The following UFL1 variants were observed in gnomAD, a reference collection of about 807,000 sequenced individuals.
The protein encoded by UFL1 is E3 UFM1-protein ligase 1.
Under a neutral mutation model 99.3 loss-of-function variants are expected in UFL1, and 78 were observed. The ratio of observed to expected loss-of-function variants is 0.79; its 90% CI spans 0.65 to 0.95. The LOEUF is 0.95. UFL1 is among the 40% of genes least tolerant of loss of function. The pLI is 0.00. For synonymous variants in UFL1, 335 were observed against 322.2 expected (o/e 1.04, Z -0.42); for missense variants, 936 against 937.0 (o/e 1.00, Z 0.01).
chr6:96,551,522 AG>A lies in UFL1; in HGVS notation c.1899+10del. Reference sequence around the variant, plus strand: ...ACTCTCTGAATGAAAAGGTAAGTAAAGTTTTATTCTATTTACATGTCAGGGC... The same window carrying A: ...ACTCTCTGAATGAAAAGGTAAGTAAATTTTATTCTATTTACATGTCAGGGC... On this transcript the variant is annotated intron_variant, in intron 16 of 18. Coordinates refer to ENST00000369278, the MANE Select transcript of UFL1 (RefSeq NM_015323.5). The A allele has an allele frequency of 6.7e-7, 1 of 1,490,510 alleles. No individual in the cohort carries two copies. The highest frequency in any genetic ancestry group is 9.0e-7 in the Non-Finnish European group (1 of 1,105,778). The allele number at this position is 1,490,510 out of a possible 1,614,324, so 92.3% of individuals were successfully genotyped here.
chr6:96,552,555 C>T lies in UFL1; in HGVS notation c.2059C>T (p.His687Tyr). ...KVTEDPALIL[H>Y]LTSVLLFQFS... ...CACAGAAGACCCTGCTCTTATTCTG[C>T]ACCTCACATCAGTCCTGTTGTTTCA... Residue 687 changes from histidine to tyrosine, a missense_variant, in exon 18 of 19, where the codon CAC (histidine) becomes TAC (tyrosine). His to Tyr is a moderately conservative substitution (Grantham distance 83, BLOSUM62 2). Transcript: ENST00000369278. The T allele has an allele frequency of 5.0e-6, 8 of 1,612,924 alleles. No homozygotes were observed. The highest frequency in any genetic ancestry group is 6.8e-6 in the Non-Finnish European group (8 of 1,179,608).
chr6:96,524,494 G>A lies in UFL1; in HGVS notation c.252+84G>A, dbSNP rs190505018. On this transcript the variant is annotated intron_variant, in intron 3 of 18. Transcript: ENST00000369278. ...TTTGTTCAAGTATTCACTAATGCTGGTATCATATTTTGTGTAGTGTTTATA... is the reference window on the plus strand; with the variant it reads ...TTTGTTCAAGTATTCACTAATGCTGATATCATATTTTGTGTAGTGTTTATA... 2,416 of 1,043,800 alleles carry A rather than the reference G, an allele frequency of 2.3e-3. 6 individuals are homozygous for A. The highest frequency in any genetic ancestry group is 2.9e-3 in the Non-Finnish European group (2,135 of 728,212). 64.7% of individuals were successfully genotyped at this position (1,043,800 alleles called of 1,614,324 possible).
intron 11 of UFL1, 36 bp downstream of exon 11, chr6:96,540,691 G>A: frequency 6.3e-7 from 1 of 1,579,314 alleles, no homozygotes. Context: ...TCAAAGTTTT[G>A]TATTTGTTGC....
rs1770133109 is a variant in UFL1 at position 96,554,841 on chromosome 6, A to T, written c.*1338A>T. 6.6e-6 allele frequency: 1 copy of T among 152,570 alleles called. No homozygotes were observed. The allele number at this position is 152,570 out of a possible 1,614,324, so 9.5% of individuals were successfully genotyped here. On this transcript the variant is annotated 3_prime_UTR_variant, in exon 19 of 19. Transcript: ENST00000369278. ...GGGTAATTTTCTATTATATATTTTCATATGGGCAAAGGGAAAAAATGATAA... is the reference window on the plus strand; with the variant it reads ...GGGTAATTTTCTATTATATATTTTCTTATGGGCAAAGGGAAAAAATGATAA...
chr6:96,533,403 A>C (rs1326129844), intron 6 of UFL1, among the ~76,000 whole-genome samples: 4 of 152,092 alleles, frequency 2.6e-5, no homozygotes, highest in African/African-American at 7.2e-5. Flanking sequence ...TATTCATACT[A>C]GGGAATGAAC....
At chr6:96,522,618 A>G (rs1428966405) in intron 1 of UFL1, among the ~76,000 whole-genome samples, 1 of 152,064 alleles carries the variant, frequency 6.6e-6, no homozygotes, top group African/African-American at 2.4e-5. Context: ...CAATCCCCTT[A>G]TGCTGTATTT....
intron 12 of UFL1, among the ~76,000 whole-genome samples, chr6:96,546,210 T>G (rs1404805131): frequency 6.6e-6 from 1 of 150,898 alleles, no homozygotes; most frequent in African/African-American, 2.4e-5. Flanking sequence ...TAGTAGCATT[T>G]CTATACATCA....
At chr6:96,544,851 G>A (rs1053405300) in intron 12 of UFL1, among the ~76,000 whole-genome samples, 2 of 150,846 alleles carry the variant, frequency 1.3e-5, no homozygotes, top group African/African-American at 4.8e-5. Context: ...TATTCCTTTT[G>A]TGAATAGATT....
At position 96,553,647 on chromosome 6, in the gene UFL1, T is replaced by G. The variant is rs1334679063; in HGVS notation, c.*144T>G. 1 of 567,848 alleles carries G rather than the reference T, an allele frequency of 1.8e-6. No homozygotes were observed. The highest frequency in any genetic ancestry group is 1.9e-5 in the African/African-American group (1 of 53,802). 35.2% of individuals were successfully genotyped at this position (567,848 alleles called of 1,614,324 possible). On this transcript the variant is annotated 3_prime_UTR_variant, in exon 19 of 19. Transcript: ENST00000369278. ...ACACAATTCAGTTAAAACAGTAGTA[T>G]TGTATTAAATGTAAATCTTAAAAAG...
At chr6:96,528,740 G>T in intron 6 of UFL1, 108 bp downstream of exon 6, 1 of 1,351,060 alleles carries the variant, frequency 7.4e-7, no homozygotes, top group Non-Finnish European at 9.8e-7. Flanking sequence ...TCTCATTTAG[G>T]ACCCCAGTTT....
intron 5 of UFL1, 64 bp from the exon 6 acceptor site, chr6:96,528,438 A>G (rs990316959): frequency 1.7e-5 from 27 of 1,561,898 alleles, no homozygotes; most frequent in African/African-American, 2.7e-5. Context: ...GAGTATGACT[A>G]TGCAAATGCA....
chr6:96,548,232 C>T lies in UFL1; in HGVS notation c.1471C>T (p.Gln491Ter), dbSNP rs748842228. 1 of 1,607,854 alleles carries T rather than the reference C, an allele frequency of 6.2e-7. No homozygotes were observed. Among genetic ancestry groups the T allele is most frequent in the Non-Finnish European group, 8.5e-7 (1 of 1,176,888 alleles). The change falls in exon 13 of 19, where the codon CAA becomes TAA. Residue 491 changes from glutamine (Q) to a stop codon, truncating the protein, a stop_gained. Coordinates refer to ENST00000369278, the MANE Select transcript of UFL1 (RefSeq NM_015323.5). LOFTEE classifies it high-confidence loss of function. ...TGAAGATTTTTTAAGAAAACACATA[C>T]AAGATGCCCCTGAGGAGTTTATTTC... ...EIEDFLRKHI[Q>*]DAPEEFISEL...
intron 12 of UFL1, 39 bp from the exon 13 acceptor site, chr6:96,548,125 A>T: frequency 8.1e-7 from 1 of 1,232,920 alleles, no homozygotes; most frequent in Non-Finnish European, 1.1e-6. Context: ...CATGTTTTTT[A>T]TTTATTTATT....
Position 96,538,660 on chromosome 6 carries a change from A to C in UFL1, c.1008A>C (p.Glu336Asp), listed in dbSNP as rs1769887955. The change falls in exon 10 of 19, where the codon GAA becomes GAC. Residue 336 changes from glutamate to aspartate, a missense_variant. Transcript: ENST00000369278. ...TGCTACCCACTTCTTTATCAGTTGA[A>C]GATGCTGCCATATTGCTTCAGCAGG... ...APLLPTSLSV[E>D]DAAILLQQVM... The C allele has an allele frequency of 6.2e-7, 1 of 1,611,050 alleles. No individual in the cohort carries two copies.
chr6:96,541,425 C>T (rs1769929273), intron 11 of UFL1, among the ~76,000 whole-genome samples: 1 of 151,300 alleles, frequency 6.6e-6, no homozygotes, highest in South Asian at 2.1e-4. Flanking sequence ...CATGTATTTC[C>T]ATAGTTTTTA....
Position 96,552,465 on chromosome 6 carries a change from CTTT to C in UFL1, c.1986-5_1986-3del, listed in dbSNP as rs746589180. Reference sequence around the variant, plus strand: ...TAAATTATGATAATGAATTTGTGTGCTTTTTTTTTTTTTTAGACAGATACTGTT... The same window carrying C: ...TAAATTATGATAATGAATTTGTGTGCTTTTTTTTTTTAGACAGATACTGTT... On this transcript the variant is annotated splice_polypyrimidine_tract_variant and intron_variant, in intron 17 of 18. Transcript: ENST00000369278. The C allele has an allele frequency of 2.0e-4, 263 of 1,322,816 alleles. No homozygotes were observed. Among genetic ancestry groups the C allele is most frequent in the South Asian group, 8.3e-4 (56 of 67,110 alleles). 81.9% of individuals were successfully genotyped at this position (1,322,816 alleles called of 1,614,324 possible).
chr6:96,546,241 C>G (rs924994610), intron 12 of UFL1, among the ~76,000 whole-genome samples: 1 of 138,654 alleles, frequency 7.2e-6, no homozygotes, highest in Non-Finnish European at 1.6e-5. Context: ...AGCTGAGAAC[C>G]AAATCAAGAA....
intron 2 of UFL1, among the ~76,000 whole-genome samples, chr6:96,523,738 C>T (rs1403201186): frequency 2.0e-5 from 3 of 152,060 alleles, no homozygotes; most frequent in African/African-American, 7.2e-5. Context: ...TGGTGCTACA[C>T]CAATCATATT....
At chr6:96,524,695 A>G (rs1769674407) in intron 3 of UFL1, among the ~76,000 whole-genome samples, 4 of 152,146 alleles carry the variant, frequency 2.6e-5, no homozygotes, top group Non-Finnish European at 5.9e-5. Context: ...TACCAAATGA[A>G]CTCATAGTTA....
Sources: gnomAD v4.1 joint callset for allele counts (sites outside exome capture counted in the v4.1 genomes callset) on GRCh38, gnomAD v4.1.1 for gene constraint, MANE v1.5 for transcripts, NCBI Gene and HGNC (gene_info 2026-07-23, HGNC 2026-07-21) for gene names.